The following DLC1 variants were observed in gnomAD, a reference collection of about 807,000 sequenced individuals.
The protein encoded by DLC1 is rho GTPase-activating protein 7.
DLC1 carries 54 observed loss-of-function variants against 140.3 expected under a neutral mutation model. The ratio of observed to expected loss-of-function variants is 0.38; its 90% confidence interval spans 0.31 to 0.48. DLC1 has a LOEUF of 0.48. Among genes scored for constraint, DLC1 ranks in the 20% least tolerant of loss-of-function variants. The pLI is 0.96. For missense variants in DLC1, 2,536 were observed against 1,907.0 expected (o/e 1.33, Z -6.14); for synonymous variants, 986 against 728.1 (o/e 1.35, Z -5.70).
intron 4 of DLC1, among the ~76,000 whole-genome samples, chr8:13,354,008 A>G (rs1586192378): frequency 6.7e-6 from 1 of 149,536 alleles, no homozygotes; most frequent in Admixed American, 6.7e-5. Flanking sequence ...TCACATTTCC[A>G]CTCCTTTGGA....
At chr8:13,381,077 C>G (rs1049626213) in intron 4 of DLC1, among the ~76,000 whole-genome samples, 1 of 152,128 alleles carries the variant, frequency 6.6e-6, no homozygotes, top group Non-Finnish European at 1.5e-5. Flanking sequence ...GTGGGAGACA[C>G]AGGAGCCTGA....
chr8:13,352,006 T>A (rs1834695195), intron 4 of DLC1, among the ~76,000 whole-genome samples: 1 of 152,242 alleles, frequency 6.6e-6, no homozygotes, highest in African/African-American at 2.4e-5. Flanking sequence ...AGTGCTGGGA[T>A]TACAGGCATG....
chr8:13,566,896 T>G, intron 1 of DLC1: 8 of 1,412,622 alleles, frequency 5.7e-6, no homozygotes, highest in African/African-American at 1.4e-5. Context: ...GCTGATGGCA[T>G]TGAGATCCAT....
At chr8:13,527,568 A>C (rs1284394275) in intron 1 of DLC1, among the ~76,000 whole-genome samples, 4 of 152,086 alleles carry the variant, frequency 2.6e-5, no homozygotes, top group African/African-American at 9.7e-5. Context: ...ATTGATTTCT[A>C]ATTTACTTCC....
At chr8:13,515,160 T>A (rs1391649030), upstream of DLC1, among the ~76,000 whole-genome samples, 2 of 152,228 alleles carry the variant, frequency 1.3e-5, no homozygotes, top group African/African-American at 4.8e-5. Context: ...TTCCACTATA[T>A]TAAATGTATA....
intron 5 of DLC1, among the ~76,000 whole-genome samples, chr8:13,298,088 C>G (rs991658326): frequency 2.0e-5 from 3 of 152,162 alleles, no homozygotes; most frequent in African/African-American, 7.2e-5. Flanking sequence ...GACCACAACA[C>G]AAAGTTTGGA....
At chr8:13,346,792 G>C (rs1025962072) in intron 4 of DLC1, among the ~76,000 whole-genome samples, 6 of 152,122 alleles carry the variant, frequency 3.9e-5, no homozygotes, top group East Asian at 1.9e-4. Context: ...CACTGTAGCA[G>C]ATATTTCTGA....
intron 5 of DLC1, among the ~76,000 whole-genome samples, chr8:13,253,443 G>T (rs1387331540): frequency 1.3e-5 from 2 of 152,018 alleles, no homozygotes; most frequent in Non-Finnish European, 2.9e-5. Context: ...GTGTGTGTGT[G>T]TGTGTGTGAT....
intron 1 of DLC1, among the ~76,000 whole-genome samples, chr8:13,512,657 T>C (rs569540873): frequency 1.2e-4 from 18 of 152,208 alleles, no homozygotes; most frequent in African/African-American, 4.1e-4. Context: ...GAAGAAAGGA[T>C]GCCTGGGGGT....
chr8:13,266,484 C>T (rs901010203), intron 5 of DLC1, among the ~76,000 whole-genome samples: 3 of 152,154 alleles, frequency 2.0e-5, no homozygotes, highest in Admixed American at 6.5e-5. Flanking sequence ...GTGGTTCACA[C>T]CTGTAATTCC....
chr8:13,473,137 AG>A (rs1800286711), intron 2 of DLC1, among the ~76,000 whole-genome samples: 1 of 152,202 alleles, frequency 6.6e-6, no homozygotes, highest in East Asian at 1.9e-4. Context: ...CCCAGTGTTC[AG>A]GTACTATTTA....
intron 1 of DLC1, among the ~76,000 whole-genome samples, chr8:13,528,804 C>G (rs1803001633): frequency 6.6e-6 from 1 of 152,178 alleles, no homozygotes; most frequent in African/African-American, 2.4e-5. Context: ...ACTCCACATG[C>G]AAAGTCAGTT....
At chr8:13,481,633 C>A (rs866827981) in intron 2 of DLC1, among the ~76,000 whole-genome samples, 3 of 152,062 alleles carry the variant, frequency 2.0e-5, no homozygotes, top group Admixed American at 1.3e-4. Flanking sequence ...ATTTACAGCC[C>A]CGTTGTACTG....
intron 2 of DLC1, among the ~76,000 whole-genome samples, chr8:13,466,955 A>T (rs1395309941): frequency 2.0e-5 from 1 of 50,380 alleles, no homozygotes; most frequent in Non-Finnish European, 8.2e-5. Flanking sequence ...TCACAAAAAA[A>T]AAACCCCTCC....
At chr8:13,345,152 G>T (rs2117003273) in intron 4 of DLC1, among the ~76,000 whole-genome samples, 1 of 152,248 alleles carries the variant, frequency 6.6e-6, no homozygotes, top group East Asian at 1.9e-4. Context: ...GTGTGATATG[G>T]TTGGCTGGTG....
At chr8:13,164,348 GTCTC>G (rs60999030) in intron 5 of DLC1, among the ~76,000 whole-genome samples, 23,533 of 150,300 alleles carry the variant, frequency 0.16, 2,020 homozygotes, top group African/African-American at 0.2. Flanking sequence ...CTGTCTGTCT[GTCTC>G]TCTCTCTGTC....
At chr8:13,288,408 C>T (rs779415769) in intron 5 of DLC1, among the ~76,000 whole-genome samples, 2 of 152,160 alleles carry the variant, frequency 1.3e-5, no homozygotes, top group South Asian at 2.1e-4. Context: ...CTCTTCTCTC[C>T]TTCTAAACTC....
chr8:13,100,805 G>C, intron 8 of DLC1, 35 bp from the exon 9 acceptor site: 1 of 1,523,176 alleles, frequency 6.6e-7, no homozygotes, highest in South Asian at 1.3e-5. Context: ...CACACACTGG[G>C]GCTGGCAGCC....
At chr8:13,307,330 G>T (rs1832486054) in intron 4 of DLC1, among the ~76,000 whole-genome samples, 1 of 152,054 alleles carries the variant, frequency 6.6e-6, no homozygotes, top group African/African-American at 2.4e-5. Context: ...CATTTCCTGG[G>T]CATTCTTTCA....
Sources: allele counts gnomAD v4.1 joint callset (sites outside exome capture counted in the v4.1 genomes callset), GRCh38; gene constraint gnomAD v4.1.1; transcripts MANE v1.5; gene names NCBI Gene and HGNC (gene_info 2026-07-23, HGNC 2026-07-21).